Variants in WWOX observed in about 807,000 individuals in gnomAD.
The protein encoded by WWOX is WW domain containing oxidoreductase.
A neutral mutation model predicts 46.2 loss-of-function variants in WWOX; 69 were observed. The observed-to-expected ratio is 1.49, with a 90% CI of 1.23 to 1.82. The LOEUF is 1.82. Ranked by LOEUF, WWOX falls within the 40% of genes most tolerant of loss-of-function variation. The pLI is 0.00. For synonymous variants in WWOX, 359 were observed against 202.6 expected, an observed-to-expected ratio of 1.77 and a Z score of -6.56; for missense variants, 919 against 542.6, an observed-to-expected ratio of 1.69 and a Z score of -6.89.
chr16:78,646,411 A>G (rs1467304822), intron 8 of WWOX, among the ~76,000 whole-genome samples: 1 of 151,272 alleles, frequency 6.6e-6, no homozygotes, highest in African/African-American at 2.4e-5. Flanking sequence ...GCCTCCTAAC[A>G]CTCAACGCAA....
chr16:78,361,429 A>T (rs1025704798), intron 5 of WWOX, among the ~76,000 whole-genome samples: 1 of 152,102 alleles, frequency 6.6e-6, no homozygotes, highest in African/African-American at 2.4e-5. Context: ...TTTTGAGATG[A>T]TGCTGGCAGC....
At chr16:78,442,827 C>T (rs189714364) in intron 8 of WWOX, among the ~76,000 whole-genome samples, 4 of 151,212 alleles carry the variant, frequency 2.6e-5, no homozygotes, top group Non-Finnish European at 5.9e-5. Context: ...TAAAAAGATA[C>T]AAAAAAATTG....
chr16:78,410,309 C>T (rs1005772393), intron 6 of WWOX, among the ~76,000 whole-genome samples: 1 of 152,184 alleles, frequency 6.6e-6, no homozygotes, highest in African/African-American at 2.4e-5. Flanking sequence ...GCAAGAATAG[C>T]TTAACACACA....
chr16:79,091,527 T>C (rs1209566069), intron 8 of WWOX, among the ~76,000 whole-genome samples: 1 of 152,114 alleles, frequency 6.6e-6, no homozygotes, highest in Non-Finnish European at 1.5e-5. Context: ...GCTTGAGGCT[T>C]AGCCTGTGCA....
In WWOX at chr16:78,432,984, G is replaced by A. The variant is rs369548042; in HGVS notation, c.1056+232G>A. Among the ~76,000 whole-genome samples, 39 of 152,182 alleles carry A rather than the reference G, an allele frequency of 2.6e-4. No individual in the cohort carries two copies. In the South Asian group the frequency reaches 7.9e-3, roughly 31 times the overall value. ...GATGTGGGTTTCAGTATCATGTTAAGTATGGCTGAAAGTCCTTATGGAAAT... is the reference window on the plus strand; with the variant it reads ...GATGTGGGTTTCAGTATCATGTTAAATATGGCTGAAAGTCCTTATGGAAAT... On this transcript the variant is annotated intron_variant, in intron 8 of 8. Transcript: ENST00000566780.
At chr16:79,091,845 A>C (rs539692841) in intron 8 of WWOX, among the ~76,000 whole-genome samples, 1 of 118,970 alleles carries the variant, frequency 8.4e-6, no homozygotes, top group East Asian at 2.8e-4. Context: ...CAGTGGTATT[A>C]TCTGGGCTCA....
intron 8 of WWOX, among the ~76,000 whole-genome samples, chr16:78,641,509 G>C (rs984666421): frequency 1.3e-5 from 2 of 152,008 alleles, no homozygotes; most frequent in Non-Finnish European, 1.5e-5. Context: ...TTAATCAACT[G>C]CAGACTCAAT....
chr16:78,808,336 C>T (rs746713722), intron 8 of WWOX, among the ~76,000 whole-genome samples: 1 of 152,158 alleles, frequency 6.6e-6, no homozygotes, highest in Non-Finnish European at 1.5e-5. Context: ...CCTGTATATG[C>T]TGCAAGTATT....
intron 6 of WWOX, among the ~76,000 whole-genome samples, chr16:78,418,426 G>C (rs2082848236): frequency 6.6e-6 from 1 of 150,910 alleles, no homozygotes; most frequent in Non-Finnish European, 1.5e-5. Context: ...AAAAACAGAA[G>C]AGGAGGAAAC....
intron 8 of WWOX, among the ~76,000 whole-genome samples, chr16:78,702,035 AT>A (rs2048230677): frequency 7.8e-6 from 1 of 127,862 alleles, no homozygotes; most frequent in African/African-American, 3.5e-5. Flanking sequence ...ATATATATAT[AT>A]ATATATATAA....
At chr16:78,519,985 C>G (rs982160826) in intron 8 of WWOX, among the ~76,000 whole-genome samples, 8 of 152,194 alleles carry the variant, frequency 5.3e-5, no homozygotes, top group African/African-American at 1.9e-4. Flanking sequence ...GCATGCTGTT[C>G]TGTATTGTAG....
At position 78,463,284 on chromosome 16, in the gene WWOX, C is replaced by T. The variant is rs184215161; in HGVS notation, c.1056+30532C>T. Among the ~76,000 whole-genome samples the T allele has an allele frequency of 4.6e-5, 7 of 152,290 alleles. No individual in the cohort carries two copies. The East Asian group carries it at 9.7e-4, about 21-fold the overall frequency. On this transcript the variant is annotated intron_variant, in intron 8 of 8. Coordinates refer to ENST00000566780, the MANE Select transcript of WWOX (RefSeq NM_016373.4). ...AGGTGCCCTTGCAGGTATAGGTAGGCATTGTCCATCCGTGGTAAAAAGCAA... is the reference window on the plus strand; with the variant it reads ...AGGTGCCCTTGCAGGTATAGGTAGGTATTGTCCATCCGTGGTAAAAAGCAA...
intron 8 of WWOX, among the ~76,000 whole-genome samples, chr16:78,550,566 G>T (rs1191465177): frequency 2.0e-5 from 3 of 152,176 alleles, no homozygotes; most frequent in East Asian, 1.9e-4. Context: ...TTTAGAACAT[G>T]ATATTTTCTA....
intron 6 of WWOX, among the ~76,000 whole-genome samples, chr16:78,405,097 A>G (rs765064761): frequency 6.6e-6 from 1 of 152,236 alleles, no homozygotes; most frequent in Non-Finnish European, 1.5e-5. Flanking sequence ...ATGGGAAAAT[A>G]TAATCAAGGT....
At chr16:78,941,870 C>T (rs1428491746) in intron 8 of WWOX, among the ~76,000 whole-genome samples, 1 of 151,996 alleles carries the variant, frequency 6.6e-6, no homozygotes, top group Non-Finnish European at 1.5e-5. Context: ...GTTCTTTTTG[C>T]CCACTTATTT....
At chr16:78,737,409 T>A (rs977471552) in intron 8 of WWOX, among the ~76,000 whole-genome samples, 2 of 152,110 alleles carry the variant, frequency 1.3e-5, no homozygotes, top group African/African-American at 4.8e-5. Context: ...AGTGCTGGGA[T>A]TACAGGTGTG....
Position 78,351,287 on chromosome 16 carries a change from A to C in WWOX, c.517-35573A>C, listed in dbSNP as rs182899564. Among the ~76,000 whole-genome samples the C allele has an allele frequency of 2.7e-3, 418 of 152,336 alleles. 1 individual carries two copies. The highest frequency in any genetic ancestry group is 4.7e-3 in the Non-Finnish European group (318 of 68,040). On this transcript the variant is annotated intron_variant, in intron 5 of 8. Coordinates refer to ENST00000566780, the MANE Select transcript of WWOX (RefSeq NM_016373.4). ...TTATAGTCCATATCACTTTTCCTTT[A>C]AATCCCTTTACTTTTTTGTGCTACA... is the stretch of plus-strand genomic sequence containing the variant.
chr16:79,045,004 T>TA (rs1227660523), intron 8 of WWOX, among the ~76,000 whole-genome samples: 1 of 152,194 alleles, frequency 6.6e-6, no homozygotes, highest in Non-Finnish European at 1.5e-5. Flanking sequence ...GGGTAGATGT[T>TA]AAAATTAGCA....
chr16:78,467,911 G>A (rs574980350), intron 8 of WWOX, among the ~76,000 whole-genome samples: 3 of 152,212 alleles, frequency 2.0e-5, no homozygotes, highest in Non-Finnish European at 2.9e-5. Context: ...TGATCAGCCT[G>A]GCTTCTTTTC....
Sources: allele counts gnomAD v4.1 joint callset (sites outside exome capture counted in the v4.1 genomes callset), GRCh38; gene constraint gnomAD v4.1.1; transcripts MANE v1.5; gene names NCBI Gene and HGNC (gene_info 2026-07-23, HGNC 2026-07-21).